RAPGEF2: variants seen among roughly 807,000 people sequenced by gnomAD.
RAPGEF2 encodes PDZ domain containing guanine nucleotide exchange factor (GEF) 1.
Under a neutral mutation model 186.7 loss-of-function variants are expected in RAPGEF2, and 54 were observed. The ratio of observed to expected loss-of-function variants is 0.29; its 90% CI spans 0.23 to 0.36. The LOEUF is 0.36. Ranked by LOEUF, RAPGEF2 falls within the 10% of genes least tolerant of loss-of-function variation. The probability of loss-of-function intolerance (pLI) is 1.00; values close to 1 mark genes in which losing one functional copy is unlikely to be tolerated. For missense variants in RAPGEF2, 1,532 were observed against 2,045.0 expected (o/e 0.75, Z 4.84); for synonymous variants, 712 against 705.9 (o/e 1.01, Z -0.14).
intron 1 of RAPGEF2, among the ~76,000 whole-genome samples, chr4:159,177,016 T>G (rs564217401): frequency 6.6e-6 from 1 of 152,326 alleles, no homozygotes; most frequent in Non-Finnish European, 1.5e-5. Context: ...TGTTTTCAAA[T>G]TGGAAAATTT....
At position 159,281,155 on chromosome 4, in the gene RAPGEF2, C is replaced by T. The variant is rs143075164; in HGVS notation, c.544-23187C>T. Among the ~76,000 whole-genome samples the T allele has an allele frequency of 7.0e-3, 1,062 of 151,926 alleles. 12 individuals carry two copies. Among genetic ancestry groups the T allele is most frequent in the African/African-American group, 0.024 (1,006 of 41,434 alleles). Reference sequence around the variant, plus strand: ...TACAGGCACGCACTACCACGTGCAGCTAATTTTTGTATTTTTAGTAGAGAT... The same window carrying T: ...TACAGGCACGCACTACCACGTGCAGTTAATTTTTGTATTTTTAGTAGAGAT... On this transcript the variant is annotated intron_variant, in intron 7 of 29. Coordinates refer to ENST00000691494, the MANE Select transcript of RAPGEF2 (RefSeq NM_001394067.2).
intron 7 of RAPGEF2, among the ~76,000 whole-genome samples, chr4:159,253,404 C>G (rs1263481902): frequency 1.3e-5 from 2 of 152,140 alleles, no homozygotes; most frequent in Non-Finnish European, 2.9e-5. Context: ...GCGCATTATA[C>G]AATATAAAGA....
intron 1 of RAPGEF2, among the ~76,000 whole-genome samples, chr4:159,171,217 T>G (rs1292631823): frequency 6.6e-6 from 1 of 152,242 alleles, no homozygotes; most frequent in Non-Finnish European, 1.5e-5. Context: ...AAAGAGTTAC[T>G]GATAACCTCC....
chr4:159,259,040 T>G (rs997110150), intron 7 of RAPGEF2, among the ~76,000 whole-genome samples: 1 of 152,118 alleles, frequency 6.6e-6, no homozygotes, highest in African/African-American at 2.4e-5. Flanking sequence ...TCAATGAAAC[T>G]AGCCCACAGT....
chr4:159,134,659 A>G (rs1242744134), intron 1 of RAPGEF2, among the ~76,000 whole-genome samples: 1 of 152,220 alleles, frequency 6.6e-6, no homozygotes, highest in Non-Finnish European at 1.5e-5. Context: ...TTTATTTTGT[A>G]AGTCATCTTA....
At chr4:159,296,680 T>TA (rs1762068862) in intron 7 of RAPGEF2, among the ~76,000 whole-genome samples, 1 of 152,194 alleles carries the variant, frequency 6.6e-6, no homozygotes, top group Non-Finnish European at 1.5e-5. Flanking sequence ...TGCAAGTACT[T>TA]AGAGTAGGGC....
At chr4:159,249,282 T>G (rs2111503307) in intron 7 of RAPGEF2, among the ~76,000 whole-genome samples, 1 of 136,942 alleles carries the variant, frequency 7.3e-6, no homozygotes, top group African/African-American at 3.0e-5. Flanking sequence ...TTAAAAAAAG[T>G]CTCTTTTTTT....
chr4:159,131,723 C>CG (rs1461869947), intron 1 of RAPGEF2, among the ~76,000 whole-genome samples: 4 of 151,368 alleles, frequency 2.6e-5, no homozygotes, highest in Middle Eastern at 3.2e-3. Flanking sequence ...GGAAAGTTAT[C>CG]GGGTTTTCTC....
At chr4:159,136,984 C>T (rs1402130366) in intron 1 of RAPGEF2, among the ~76,000 whole-genome samples, 1 of 152,102 alleles carries the variant, frequency 6.6e-6, no homozygotes, top group Non-Finnish European at 1.5e-5. Flanking sequence ...GTTGCTAGTG[C>T]TAAAACTGTG....
chr4:159,130,222 T>G (rs1453541579), intron 1 of RAPGEF2, among the ~76,000 whole-genome samples: 1 of 152,230 alleles, frequency 6.6e-6, no homozygotes, highest in Non-Finnish European at 1.5e-5. Context: ...TTACCTTGTC[T>G]TATCAGCAGG....
At position 159,323,631 on chromosome 4, in the gene RAPGEF2, C is replaced by A; in HGVS notation, c.1149+14C>A. On this transcript the variant is annotated intron_variant, in intron 11 of 29. Transcript: ENST00000691494. ...GATGACTGCCAGGTATAAAATATAT[C>A]ATTAAAAATATATATTTTATTCTTA... 7.1e-7 allele frequency: 1 copy of A among 1,400,034 alleles called. No individual in the cohort carries two copies. Among genetic ancestry groups the A allele is most frequent in the South Asian group, 1.7e-5 (1 of 58,578 alleles). 86.7% of individuals were successfully genotyped at this position (1,400,034 alleles called of 1,614,324 possible).
chr4:159,270,212 T>G (rs963376795), intron 7 of RAPGEF2, among the ~76,000 whole-genome samples: 2 of 152,224 alleles, frequency 1.3e-5, no homozygotes, highest in African/African-American at 2.4e-5. Context: ...TGTATAATTG[T>G]TGACTAGTCC....
chr4:159,343,976 GTGATCTTTC>G, intron 22 of RAPGEF2, 51 bp from the exon 23 acceptor site: 23 of 1,503,194 alleles, frequency 1.5e-5, no homozygotes, highest in Non-Finnish European at 2.1e-5. Context: ...TTCTGAGCTT[GTGATCTTTC>G]TGTCTCTCTT....
intron 7 of RAPGEF2, 126 bp from the exon 8 acceptor site, chr4:159,304,216 A>G (rs1197837651): frequency 9.3e-6 from 8 of 861,460 alleles, no homozygotes; most frequent in Non-Finnish European, 1.3e-5. Context: ...TAATTTGTGA[A>G]TGTGGAAAAT....
chr4:159,304,783 A>T (rs536093579), intron 8 of RAPGEF2, among the ~76,000 whole-genome samples: 1 of 152,136 alleles, frequency 6.6e-6, no homozygotes, highest in African/African-American at 2.4e-5. Flanking sequence ...TTCAGGTTAT[A>T]CATCACCCCA....
chr4:159,295,110 C>G (rs576747341), intron 7 of RAPGEF2, among the ~76,000 whole-genome samples: 4 of 152,166 alleles, frequency 2.6e-5, no homozygotes, highest in Admixed American at 1.3e-4. Context: ...CAGGCCCCCT[C>G]GCCCCAAAGC....
intron 4 of RAPGEF2, among the ~76,000 whole-genome samples, chr4:159,218,007 C>T (rs771978323): frequency 9.2e-5 from 14 of 152,130 alleles, no homozygotes; most frequent in South Asian, 2.1e-4. Context: ...ATTAGAAAAT[C>T]GTATTCTTGA....
At chr4:159,123,307 G>A (rs1238592716) in intron 1 of RAPGEF2, among the ~76,000 whole-genome samples, 3 of 152,160 alleles carry the variant, frequency 2.0e-5, no homozygotes, top group African/African-American at 7.2e-5. Context: ...TGGCTTTTGT[G>A]ATGGAACACT....
intron 3 of RAPGEF2, among the ~76,000 whole-genome samples, chr4:159,209,063 T>G (rs1750245930): frequency 6.6e-6 from 1 of 151,954 alleles, no homozygotes; most frequent in African/African-American, 2.4e-5. Flanking sequence ...CTAATTTTTT[T>G]GTATTTTTAG....
Sources: allele counts gnomAD v4.1 joint callset (sites outside exome capture counted in the v4.1 genomes callset), GRCh38; gene constraint gnomAD v4.1.1; transcripts MANE v1.5; gene names NCBI Gene and HGNC (gene_info 2026-07-23, HGNC 2026-07-21).